GEMIN2: variants seen among roughly 807,000 people sequenced by gnomAD.
GEMIN2 encodes the protein gem nuclear organelle associated protein 2.
In GEMIN2, 37 loss-of-function variants were observed where a neutral mutation model predicts 45.8. The ratio of observed to expected loss-of-function variants is 0.81; its 90% CI spans 0.62 to 1.06. GEMIN2 has a LOEUF of 1.06. Ranked by LOEUF, GEMIN2 falls within the 50% of genes least tolerant of loss-of-function variation. The probability of loss-of-function intolerance (pLI) is 0.00; values close to 1 mark genes in which losing one functional copy is unlikely to be tolerated. For synonymous variants in GEMIN2, 101 were observed against 111.5 expected (o/e 0.91, Z 0.60); for missense variants, 335 against 321.8 (o/e 1.04, Z -0.31).
intron 8 of GEMIN2, among the ~76,000 whole-genome samples, chr14:39,132,306 G>A (rs1315417142): frequency 6.6e-6 from 1 of 152,114 alleles, no homozygotes; most frequent in African/African-American, 2.4e-5. Flanking sequence ...TGAGGCGGGT[G>A]GCTCACCTGA....
At chr14:39,123,757 G>A (rs914312065) in intron 5 of GEMIN2, among the ~76,000 whole-genome samples, 9 of 99,788 alleles carry the variant, frequency 9.0e-5, no homozygotes, top group South Asian at 3.5e-4. Flanking sequence ...GTCTTCTTCC[G>A]TCATCCAGGC....
At chr14:39,123,641 A>T (rs2052601897) in intron 5 of GEMIN2, among the ~76,000 whole-genome samples, 1 of 140,038 alleles carries the variant, frequency 7.1e-6, no homozygotes, top group South Asian at 2.3e-4. Context: ...TAACCAATTG[A>T]TCTTTTGGAT....
intron 7 of GEMIN2, among the ~76,000 whole-genome samples, chr14:39,130,922 A>C (rs2052707559): frequency 6.6e-6 from 1 of 151,904 alleles, no homozygotes; most frequent in South Asian, 2.1e-4. Context: ...GGACAAAAAC[A>C]ACATGGTAAA....
rs993988805 is a variant in GEMIN2, at chr14:39,118,084, G to C, written c.308G>C (p.Arg103Pro). The C allele has an allele frequency of 5.2e-6, 8 of 1,548,624 alleles. No homozygotes were observed. Among genetic ancestry groups the C allele is most frequent in the Non-Finnish European group, 7.1e-6 (8 of 1,124,108 alleles). ...CAAGTGGCACAGTTTTCAACTGTTC[G>C]ACAGGTAAGTGTCATATTTAATCTA... ...QQQVAQFSTV[R>P]QNVNKHRSHW... The change falls in exon 3 of 10, where the codon CGA (arginine) becomes CCA (proline). Residue 103 changes from arginine (R) to proline (P), a missense_variant. Physicochemically the swap from Arg to Pro is moderately radical, Grantham distance 103. Coordinates refer to ENST00000308317, the MANE Select transcript of GEMIN2 (RefSeq NM_003616.3).
Position 39,122,449 on chromosome 14 carries a change from A to C in GEMIN2, c.392A>C (p.Glu131Ala), listed in dbSNP as rs1214279990. The C allele has an allele frequency of 6.3e-7, 1 of 1,588,046 alleles. No homozygotes were observed. The highest frequency in any genetic ancestry group is 8.6e-7 in the Non-Finnish European group (1 of 1,161,628). The change falls in exon 5 of 10, where the codon GAA (glutamate) becomes GCA (alanine). Residue 131 changes from glutamate (E) to alanine (A), a missense_variant. By Grantham distance (107) the Glu-to-Ala change is moderately radical. Coordinates refer to ENST00000308317, the MANE Select transcript of GEMIN2 (RefSeq NM_003616.3). ...TTTTAGCCAAAATCTGAAGATGAAG[A>C]AGGCTGGAAGAAATTTTGTCTGGGT... Reference protein sequence around the residue: ...NVTMPKSEDEEGWKKFCLGEK... With the variant: ...NVTMPKSEDEAGWKKFCLGEK...
chr14:39,127,844 CG>C (rs1430628728), intron 6 of GEMIN2, among the ~76,000 whole-genome samples: 1 of 151,964 alleles, frequency 6.6e-6, no homozygotes, highest in Non-Finnish European at 1.5e-5. Context: ...CCGAGGAGGG[CG>C]GATCACCTGA....
intron 4 of GEMIN2, among the ~76,000 whole-genome samples, chr14:39,119,033 C>T (rs557159914): frequency 6.6e-6 from 1 of 152,088 alleles, no homozygotes; most frequent in Non-Finnish European, 1.5e-5. Context: ...GCCCTAGCCT[C>T]CCCGAGTGCT....
At chr14:39,132,998 GTGTATA>G (rs1437602731) in intron 8 of GEMIN2, among the ~76,000 whole-genome samples, 1 of 117,938 alleles carries the variant, frequency 8.5e-6, no homozygotes, top group Non-Finnish European at 1.8e-5. Context: ...GTGTGTGTGT[GTGTATA>G]TATATGTGTG....
At chr14:39,133,261 ATTT>A (rs2052743355) in intron 8 of GEMIN2, among the ~76,000 whole-genome samples, 1 of 145,672 alleles carries the variant, frequency 6.9e-6, no homozygotes, top group Non-Finnish European at 1.5e-5. Flanking sequence ...ATTAATATAT[ATTT>A]ATTATATATG....
intron 4 of GEMIN2, among the ~76,000 whole-genome samples, chr14:39,120,177 G>A (rs1462194671): frequency 6.6e-6 from 1 of 152,166 alleles, no homozygotes; most frequent in Non-Finnish European, 1.5e-5. Context: ...GGAATATTAT[G>A]TAGCAATTTT....
chr14:39,121,330 G>A (rs888481430), intron 4 of GEMIN2, among the ~76,000 whole-genome samples: 2 of 152,208 alleles, frequency 1.3e-5, no homozygotes, highest in East Asian at 1.9e-4. Context: ...CCAGGAGTTT[G>A]AGACCAGCCT....
intron 2 of GEMIN2, among the ~76,000 whole-genome samples, chr14:39,115,435 T>C (rs1037126143): frequency 3.0e-4 from 45 of 149,736 alleles, no homozygotes; most frequent in East Asian, 1.4e-3. Flanking sequence ...TTTTTAAGAA[T>C]AGAAACCCAG....
chr14:39,115,475 TGAGACAGTTTCACTC>T (rs2052491363), intron 2 of GEMIN2, among the ~76,000 whole-genome samples: 1 of 150,488 alleles, frequency 6.6e-6, no homozygotes. Context: ...TTTTTTTTTT[TGAGACAGTTTCACTC>T]TTGTTGCCCA....
intron 7 of GEMIN2, among the ~76,000 whole-genome samples, chr14:39,129,355 C>T (rs538182902): frequency 3.3e-5 from 5 of 152,190 alleles, no homozygotes; most frequent in Admixed American, 2.6e-4. Context: ...AATATATCTC[C>T]CTTCATTAAG....
At chr14:39,131,918 A>G in intron 7 of GEMIN2, 40 bp from the exon 8 acceptor site, 1 of 914,090 alleles carries the variant, frequency 1.1e-6, no homozygotes, top group East Asian at 2.4e-5. Context: ...CTTCTGGTTC[A>G]GTATTTGTCT....
At chr14:39,129,059 A>G (rs1022364650) in intron 7 of GEMIN2, among the ~76,000 whole-genome samples, 5 of 152,194 alleles carry the variant, frequency 3.3e-5, no homozygotes, top group African/African-American at 1.2e-4. Context: ...TTGAGGCTGC[A>G]GTGAGCCATG....
intron 7 of GEMIN2, among the ~76,000 whole-genome samples, chr14:39,129,523 C>T (rs1308724330): frequency 6.6e-6 from 1 of 152,098 alleles, no homozygotes; most frequent in Non-Finnish European, 1.5e-5. Flanking sequence ...AAGTGATTCT[C>T]CTGCCTCAGC....
Position 39,131,991 on chromosome 14 carries a change from G to A in GEMIN2, c.634G>A (p.Glu212Lys), listed in dbSNP as rs200005110. Residue 212 changes from glutamate (E) to lysine (K), a missense_variant, in exon 8 of 10, where the codon GAA becomes AAA. Coordinates refer to ENST00000308317, the MANE Select transcript of GEMIN2 (RefSeq NM_003616.3). ...RWLYALLACL[E>K]KPLLPEAHSL... is the part of the protein sequence containing the mutation. ...GCTTTATGCTTTATTGGCTTGTCTT[G>A]AAAAGCCTTTGTTACCTGAGGCTCA... 6.3e-7 allele frequency: 1 copy of A among 1,589,100 alleles called. No homozygotes were observed. The highest frequency in any genetic ancestry group is 2.3e-5 in the East Asian group (1 of 43,564).
chr14:39,135,764 C>G (rs1282816952), intron 9 of GEMIN2, among the ~76,000 whole-genome samples: 1 of 152,124 alleles, frequency 6.6e-6, no homozygotes, highest in Non-Finnish European at 1.5e-5. Context: ...CTTATAATTA[C>G]ATAAAATAGT....
Sources: gnomAD v4.1 joint callset for allele counts (sites outside exome capture counted in the v4.1 genomes callset) on GRCh38, gnomAD v4.1.1 for gene constraint, MANE v1.5 for transcripts, NCBI Gene and HGNC (gene_info 2026-07-23, HGNC 2026-07-21) for gene names.